The following DENND4C variants were observed in gnomAD, a reference collection of about 807,000 sequenced individuals.
DENND4C encodes the protein DENN domain containing 4C.
Under a neutral mutation model 203.0 loss-of-function variants are expected in DENND4C, and 108 were observed. The observed-to-expected ratio is 0.53, with a 90% CI of 0.46 to 0.62. The LOEUF (loss-of-function observed/expected upper bound fraction) is 0.62, where lower values mean the gene tolerates loss of function less well. Ranked by LOEUF, DENND4C falls within the 20% of genes least tolerant of loss-of-function variation. The probability of loss-of-function intolerance (pLI) is 0.00; values close to 1 mark genes in which losing one functional copy is unlikely to be tolerated. For synonymous variants in DENND4C, 871 were observed against 792.4 expected (o/e 1.10, Z -1.67); for missense variants, 2,481 against 2,301.2 (o/e 1.08, Z -1.60).
intron 10 of DENND4C, among the ~76,000 whole-genome samples, chr9:19,305,954 G>A (rs1438445988): frequency 2.6e-5 from 4 of 152,138 alleles, no homozygotes; most frequent in Non-Finnish European, 4.4e-5. Context: ...CTTAGTTGTC[G>A]GGATTTTAAT....
intron 15 of DENND4C, among the ~76,000 whole-genome samples, chr9:19,327,556 T>C (rs2090993488): frequency 6.6e-6 from 1 of 152,152 alleles, no homozygotes; most frequent in East Asian, 1.9e-4. Flanking sequence ...TGGAGAAATA[T>C]AGAAACAGCC....
chr9:19,364,384 A>T (rs191265147), intron 30 of DENND4C, among the ~76,000 whole-genome samples: 1 of 152,342 alleles, frequency 6.6e-6, no homozygotes, highest in East Asian at 1.9e-4. Flanking sequence ...TCATATGTGG[A>T]TACCCTTTAA....
At chr9:19,369,714 C>G in intron 30 of DENND4C, 123 bp from the exon 31 acceptor site, 2 of 511,208 alleles carry the variant, frequency 3.9e-6, no homozygotes, top group Non-Finnish European at 5.7e-6. Context: ...TTGCAGTGAG[C>G]CATGATCACA....
intron 26 of DENND4C, among the ~76,000 whole-genome samples, chr9:19,356,217 T>C (rs186312961): frequency 6.6e-6 from 1 of 152,296 alleles, no homozygotes; most frequent in East Asian, 1.9e-4. Flanking sequence ...GAAGGTGAGA[T>C]AGAGATATTA....
rs995057126 is a variant in DENND4C at position 19,290,889 on chromosome 9, C to G, written c.801+13C>G. On this transcript the variant is annotated intron_variant, in intron 5 of 32. Transcript: ENST00000434457. Reference sequence around the variant, plus strand: ...TTCAGCCAAAAAGGTATGTTTTTGTCTCATTGATTAAACACATTTTGTCCA... The same window carrying G: ...TTCAGCCAAAAAGGTATGTTTTTGTGTCATTGATTAAACACATTTTGTCCA... 5.6e-6 allele frequency: 9 copies of G among 1,605,948 alleles called. No homozygotes were observed. Among genetic ancestry groups the G allele is most frequent in the Non-Finnish European group, 6.8e-6 (8 of 1,176,082 alleles).
At chr9:19,243,730 T>G (rs1824369262) in intron 1 of DENND4C, among the ~76,000 whole-genome samples, 1 of 152,224 alleles carries the variant, frequency 6.6e-6, no homozygotes, top group South Asian at 2.1e-4. Context: ...CCACATTTTG[T>G]TTATCATGAC....
intron 22 of DENND4C, among the ~76,000 whole-genome samples, 156 bp from the exon 23 acceptor site, chr9:19,345,765 G>C (rs1258723951): frequency 6.6e-6 from 1 of 152,070 alleles, no homozygotes; most frequent in African/African-American, 2.4e-5. Context: ...AGCTTTTCCA[G>C]TGCACTTTTT....
chr9:19,272,231 C>T (rs374223869), intron 1 of DENND4C, among the ~76,000 whole-genome samples: 1 of 151,614 alleles, frequency 6.6e-6, no homozygotes, highest in Admixed American at 6.6e-5. Flanking sequence ...ACCAGCCTGG[C>T]CAACATGGGG....
chr9:19,352,161 C>G lies in DENND4C; in HGVS notation c.4584C>G (p.Ile1528Met), dbSNP rs1824290066. Residue 1528 changes from isoleucine (I) to methionine (M), a missense_variant, in exon 25 of 33, where the codon ATC becomes ATG. Physicochemically the swap from Ile to Met is conservative, Grantham distance 10. This residue lies in a region of DENND4C where 2,289 missense variants were observed against 2,113.3 expected (regional missense o/e 1.08). Coordinates refer to ENST00000434457, the MANE Select transcript of DENND4C (RefSeq NM_001330640.2). ...GSSQNTSMSSIYQNCAMEVLM... is the reference protein window; with the variant it reads ...GSSQNTSMSSMYQNCAMEVLM... Reference sequence around the variant, plus strand: ...CTCAAAATACCAGCATGTCTAGCATCTATCAGAATTGTGCAATGGAGGTAA... The same window carrying G: ...CTCAAAATACCAGCATGTCTAGCATGTATCAGAATTGTGCAATGGAGGTAA... The G allele has an allele frequency of 1.2e-6, 2 of 1,613,822 alleles. No homozygotes were observed. Among genetic ancestry groups the G allele is most frequent in the Admixed American group, 1.7e-5 (1 of 60,018 alleles).
chr9:19,291,612 T>C (rs1836314654), intron 5 of DENND4C, among the ~76,000 whole-genome samples: 1 of 150,158 alleles, frequency 6.7e-6, no homozygotes, highest in Non-Finnish European at 1.5e-5. Flanking sequence ...GGGTGAGGCA[T>C]GAGAATTGCT....
In DENND4C at chr9:19,316,832, C is replaced by T; in HGVS notation, c.1800C>T (p.Asp600=). The change falls in exon 12 of 33, where the codon GAC becomes GAT. Residue 600 remains aspartate, a synonymous_variant. Transcript: ENST00000434457. ...NKATAADSLF[D]RQGFLKSRDR... The stretch of plus-strand genomic sequence containing the variant: ...CCACAGCTGCTGATTCATTGTTTGA[C>T]CGACAGGGTGAGTAGCATTGAAAGT... 6.2e-7 allele frequency: 1 copy of T among 1,612,356 alleles called. No individual in the cohort carries two copies. Among genetic ancestry groups the T allele is most frequent in the South Asian group, 1.1e-5 (1 of 90,728 alleles).
intron 26 of DENND4C, among the ~76,000 whole-genome samples, chr9:19,355,135 C>A (rs575791682): frequency 1.3e-5 from 2 of 152,130 alleles, no homozygotes; most frequent in African/African-American, 4.8e-5. Flanking sequence ...TGGTCTCGAT[C>A]TCATGACCTT....
chr9:19,250,092 G>A (rs1001300771), intron 1 of DENND4C, among the ~76,000 whole-genome samples: 3 of 152,178 alleles, frequency 2.0e-5, no homozygotes, highest in Non-Finnish European at 2.9e-5. Context: ...GAGGCCAGGA[G>A]TTTGAGATCA....
chr9:19,328,643 C>G (rs780651809), intron 16 of DENND4C, among the ~76,000 whole-genome samples: 10 of 125,868 alleles, frequency 7.9e-5, no homozygotes, highest in Admixed American at 8.1e-5. Flanking sequence ...GTCTGTCTGT[C>G]TGTCTGTCTG....
intron 2 of DENND4C, among the ~76,000 whole-genome samples, chr9:19,279,503 C>T (rs1445899362): frequency 6.6e-6 from 1 of 151,928 alleles, no homozygotes; most frequent in Admixed American, 6.6e-5. Flanking sequence ...GGTGAAACCC[C>T]CTCTTTACTA....
chr9:19,352,404 A>T (rs1824353003), intron 25 of DENND4C, 86 bp from the exon 26 acceptor site: 2 of 1,326,818 alleles, frequency 1.5e-6, no homozygotes, highest in Non-Finnish European at 2.0e-6. Context: ...TCAGTAGAAT[A>T]AAAAAAATCC....
chr9:19,319,451 T>TATATATATACACACATATATATATAC (rs1399860966), intron 12 of DENND4C, among the ~76,000 whole-genome samples: 3 of 145,376 alleles, frequency 2.1e-5, no homozygotes, highest in African/African-American at 5.0e-5. Flanking sequence ...TATATATACA[T>TATATATATACACACATATATATATAC]ATATATATAT....
intron 1 of DENND4C, among the ~76,000 whole-genome samples, chr9:19,265,337 T>G (rs1370590634): frequency 6.6e-6 from 1 of 152,184 alleles, no homozygotes; most frequent in Non-Finnish European, 1.5e-5. Context: ...ATTTTCCTTC[T>G]GAATCTCTTC....
chr9:19,323,690 A>T (rs1241050792), intron 12 of DENND4C, among the ~76,000 whole-genome samples: 1 of 152,224 alleles, frequency 6.6e-6, no homozygotes, highest in East Asian at 1.9e-4. Context: ...GTCTTGCAAC[A>T]TTAAAGAGGA....
Sources: gnomAD v4.1 joint callset for allele counts (sites outside exome capture counted in the v4.1 genomes callset) on GRCh38, gnomAD v4.1.1 for gene constraint, gnomAD v4.1.1 regional missense constraint, MANE v1.5 for transcripts, NCBI Gene and HGNC (gene_info 2026-07-23, HGNC 2026-07-21) for gene names.